The following SEMA6D variants were observed in gnomAD, a reference collection of about 807,000 sequenced individuals.
The protein encoded by SEMA6D is semaphorin-6D.
In SEMA6D, 35 loss-of-function variants were observed where a neutral mutation model predicts 106.6. That is an observed-to-expected ratio of 0.33 (90% CI 0.25 to 0.44). The LOEUF (loss-of-function observed/expected upper bound fraction) is 0.44, where lower values mean the gene tolerates loss of function less well. Among genes scored for constraint, SEMA6D ranks in the 20% least tolerant of loss-of-function variants. The pLI is 1.00. For missense variants in SEMA6D, 1,185 were observed against 1,345.9 expected (o/e 0.88, Z 1.87); for synonymous variants, 499 against 487.7 (o/e 1.02, Z -0.31).
In SEMA6D at chr15:47,394,022, C is replaced by T. The variant is rs79547706; in HGVS notation, c.-238-18371C>T. 2.4e-4 allele frequency among the ~76,000 whole-genome samples: 36 copies of T among 152,174 alleles called. No homozygotes were observed. The East Asian group carries it at 6.4e-3, about 27-fold the overall frequency. ...GAGAGGCAGGATAGATATTTGGACC[C>T]CACTCTCCCTGGTTCTTATACCTAC... is the stretch of plus-strand genomic sequence containing the variant. On this transcript the variant is annotated intron_variant, in intron 1 of 19. Coordinates refer to the SEMA6D transcript ENST00000558014.
Position 47,772,909 on chromosome 15 carries a change from T to C in SEMA6D, c.*1124T>C, listed in dbSNP as rs2082696167. The C allele has an allele frequency of 7.1e-6, 1 of 141,250 alleles. No homozygotes were observed. The highest frequency in any genetic ancestry group is 1.5e-5 in the Non-Finnish European group (1 of 66,414). The allele number at this position is 141,250 out of a possible 1,614,324, so 8.7% of individuals were successfully genotyped here. A position where few individuals can be genotyped will look rare whatever the true frequency, so the allele number is the denominator to read the frequency against. The stretch of plus-strand genomic sequence containing the variant: ...AAAAATAGAAGACAAAAGAAAGACA[T>C]ATGAAAGGAATTGTAATTGGCTTAA... On this transcript the variant is annotated 3_prime_UTR_variant, in exon 19 of 19. Transcript: ENST00000536845.
chr15:47,658,616 G>T (rs888683331), intron 4 of SEMA6D, among the ~76,000 whole-genome samples: 3 of 152,088 alleles, frequency 2.0e-5, no homozygotes, highest in Non-Finnish European at 2.9e-5. Flanking sequence ...GTTGGACTGC[G>T]CAATCCTTCC....
intron 1 of SEMA6D, among the ~76,000 whole-genome samples, chr15:47,334,615 A>G (rs1369272860): frequency 6.6e-6 from 1 of 152,220 alleles, no homozygotes; most frequent in Admixed American, 6.5e-5. Context: ...CAGGAGAAAC[A>G]TGGTTTGAGT....
At chr15:47,767,158 C>A in intron 17 of SEMA6D, 65 bp downstream of exon 17, 3 of 1,041,134 alleles carry the variant, frequency 2.9e-6, no homozygotes, top group South Asian at 1.5e-5. Context: ...CATTTTCAGC[C>A]CCTTCTCCCC....
At chr15:47,436,439 T>A (rs1477864812) in intron 2 of SEMA6D, among the ~76,000 whole-genome samples, 1 of 151,330 alleles carries the variant, frequency 6.6e-6, no homozygotes, top group African/African-American at 2.4e-5. Flanking sequence ...TGTGCTGAGA[T>A]TTGGGGTTGT....
At chr15:47,413,758 C>A (rs1392883476) in intron 2 of SEMA6D, among the ~76,000 whole-genome samples, 1 of 152,160 alleles carries the variant, frequency 6.6e-6, no homozygotes, top group Non-Finnish European at 1.5e-5. Flanking sequence ...GCTGGGATTA[C>A]AGGGGTGAGC....
chr15:47,734,478 G>A (rs972152102), intron 1 of SEMA6D, among the ~76,000 whole-genome samples: 2 of 152,056 alleles, frequency 1.3e-5, no homozygotes, highest in African/African-American at 4.8e-5. Context: ...TTTACACAGG[G>A]CCCTGCAAAT....
chr15:47,434,552 A>G (rs2041642560), intron 2 of SEMA6D, among the ~76,000 whole-genome samples: 1 of 152,078 alleles, frequency 6.6e-6, no homozygotes, highest in African/African-American at 2.4e-5. Context: ...TGATATATAA[A>G]CATAACTTTT....
intron 3 of SEMA6D, among the ~76,000 whole-genome samples, chr15:47,490,566 A>G (rs964124055): frequency 2.0e-5 from 3 of 152,114 alleles, no homozygotes; most frequent in African/African-American, 7.2e-5. Flanking sequence ...AATCACTGGA[A>G]CCCAGGAGGT....
intron 3 of SEMA6D, among the ~76,000 whole-genome samples, chr15:47,577,857 G>C (rs2076183187): frequency 6.7e-6 from 1 of 149,338 alleles, no homozygotes; most frequent in South Asian, 2.1e-4. Flanking sequence ...AAAGTGAAAG[G>C]GAAGATATGT....
chr15:47,212,781 C>G (rs1054595157), intron 1 of SEMA6D, among the ~76,000 whole-genome samples: 5 of 152,082 alleles, frequency 3.3e-5, no homozygotes, highest in Admixed American at 2.6e-4. Context: ...GATATAGAGG[C>G]GTGGAAAGAG....
chr15:47,383,558 A>C (rs970311754), intron 1 of SEMA6D, among the ~76,000 whole-genome samples: 11 of 152,114 alleles, frequency 7.2e-5, no homozygotes, highest in Non-Finnish European at 1.5e-4. Context: ...GGTACAACAC[A>C]GTAGTAGTAG....
In SEMA6D at chr15:47,626,230, G is replaced by A. The variant is rs554650852; in HGVS notation, c.-55+25334G>A. 2.6e-5 allele frequency among the ~76,000 whole-genome samples: 4 copies of A among 152,290 alleles called. No homozygotes were observed. In the South Asian group the frequency reaches 6.2e-4, roughly 24 times the overall value. ...GTGTGGGCTCTACATGAAATCAGGG[G>A]TCTGTCTAAGGAAACTTCCCCAAAT... On this transcript the variant is annotated intron_variant, in intron 4 of 19. Coordinates refer to the SEMA6D transcript ENST00000558014.
intron 4 of SEMA6D, among the ~76,000 whole-genome samples, chr15:47,635,676 G>T (rs1240849208): frequency 2.6e-5 from 4 of 152,074 alleles, no homozygotes; most frequent in Non-Finnish European, 5.9e-5. Flanking sequence ...GTAAGTATCA[G>T]AATTGAATAG....
chr15:47,251,466 A>T (rs1479239594), intron 1 of SEMA6D, among the ~76,000 whole-genome samples: 1 of 152,182 alleles, frequency 6.6e-6, no homozygotes, highest in East Asian at 1.9e-4. Flanking sequence ...TTCCTCAAAC[A>T]TGTCATATTG....
chr15:47,546,677 C>A (rs1010309573), intron 3 of SEMA6D, among the ~76,000 whole-genome samples: 1 of 151,626 alleles, frequency 6.6e-6, no homozygotes, highest in Non-Finnish European at 1.5e-5. Flanking sequence ...ATGACCAGCA[C>A]CTTGTGGCCA....
chr15:47,195,371 T>C (rs1284045099), intron 1 of SEMA6D, among the ~76,000 whole-genome samples: 1 of 152,182 alleles, frequency 6.6e-6, no homozygotes, highest in Non-Finnish European at 1.5e-5. Flanking sequence ...TCTAACTTTC[T>C]CTGCCAGAGC....
chr15:47,555,052 A>G (rs2045877103), intron 3 of SEMA6D, among the ~76,000 whole-genome samples: 1 of 152,206 alleles, frequency 6.6e-6, no homozygotes, highest in African/African-American at 2.4e-5. Flanking sequence ...CTTCAAATAT[A>G]AATCCCTAAT....
intron 3 of SEMA6D, among the ~76,000 whole-genome samples, chr15:47,596,933 G>A (rs573263745): frequency 6.6e-6 from 1 of 151,872 alleles, no homozygotes; most frequent in South Asian, 2.1e-4. Flanking sequence ...ATAAACAAAA[G>A]GCATTACATC....
Sources: gnomAD v4.1 joint callset for allele counts (sites outside exome capture counted in the v4.1 genomes callset) on GRCh38, gnomAD v4.1.1 for gene constraint, MANE v1.5 for transcripts, NCBI Gene and HGNC (gene_info 2026-07-23, HGNC 2026-07-21) for gene names.